Variants in PTPRD observed in about 807,000 individuals in gnomAD.
PTPRD encodes the protein receptor-type tyrosine-protein phosphatase delta.
PTPRD carries 34 observed loss-of-function variants against 214.5 expected under a neutral mutation model. The ratio of observed to expected loss-of-function variants is 0.16; its 90% CI spans 0.12 to 0.21. PTPRD has a LOEUF of 0.21. Ranked by LOEUF, PTPRD falls within the 10% of genes least tolerant of loss-of-function variation. PTPRD has a pLI of 1.00. For missense variants in PTPRD, 2,545 were observed against 2,398.7 expected, an observed-to-expected ratio of 1.06 and a Z score of -1.27; for synonymous variants, 1,128 against 845.7, an observed-to-expected ratio of 1.33 and a Z score of -5.79.
At chr9:9,317,385 T>G (rs1364273418) in intron 9 of PTPRD, among the ~76,000 whole-genome samples, 1 of 152,196 alleles carries the variant, frequency 6.6e-6, no homozygotes, top group Admixed American at 6.5e-5. Flanking sequence ...TAAAACAAAC[T>G]TATTATTCTT....
At chr9:8,626,139 T>A (rs902299471) in intron 14 of PTPRD, among the ~76,000 whole-genome samples, 1 of 151,900 alleles carries the variant, frequency 6.6e-6, no homozygotes, top group Admixed American at 6.6e-5. Context: ...TAGCTTAAAA[T>A]AAAACTAATT....
At position 9,724,421 on chromosome 9, in the gene PTPRD, C is replaced by T. The variant is rs140493372; in HGVS notation, c.-287+10112G>A. 1.1e-4 allele frequency among the ~76,000 whole-genome samples: 17 copies of T among 152,242 alleles called. No homozygotes were observed. In the East Asian group the frequency reaches 1.4e-3, roughly 12 times the overall value. The stretch of plus-strand genomic sequence containing the variant: ...GCTTAATAGGCCTTTGCCAGAGTTA[C>T]GTCACTTGTACTTTCTTTCCCAGAA... On this transcript the variant is annotated intron_variant, in intron 7 of 45. Coordinates refer to ENST00000381196, the MANE Select transcript of PTPRD (RefSeq NM_002839.4).
intron 3 of PTPRD, among the ~76,000 whole-genome samples, chr9:10,254,905 C>A (rs564433750): frequency 1.3e-5 from 2 of 152,268 alleles, no homozygotes; most frequent in East Asian, 3.9e-4. Flanking sequence ...AATCTCTGTT[C>A]TCTGATGACT....
Position 9,766,936 on chromosome 9 carries a change from A to G in PTPRD, c.-367-85T>C, listed in dbSNP as rs140622873. 8 of 152,538 alleles carry G rather than the reference A, an allele frequency of 5.2e-5. No individual in the cohort carries two copies. The East Asian group carries it at 1.4e-3, about 26-fold the overall frequency. The allele number at this position is 152,538 out of a possible 1,614,324, so 9.4% of individuals were successfully genotyped here. A position where few individuals can be genotyped will look rare whatever the true frequency, so the allele number is the denominator to read the frequency against. On this transcript the variant is annotated intron_variant, in intron 5 of 45. Coordinates refer to ENST00000381196, the MANE Select transcript of PTPRD (RefSeq NM_002839.4). ...TACCAATATATAAAACTAAAATAAG[A>G]ACAAATTTTAAAACTCCATCATTGC...
At chr9:9,013,457 G>GT (rs2099520288) in intron 11 of PTPRD, among the ~76,000 whole-genome samples, 1 of 152,094 alleles carries the variant, frequency 6.6e-6, no homozygotes, top group South Asian at 2.1e-4. Context: ...TCTATGTTTG[G>GT]TAACAGTCCA....
intron 5 of PTPRD, among the ~76,000 whole-genome samples, chr9:9,893,687 A>G (rs1052079034): frequency 6.6e-6 from 1 of 152,094 alleles, no homozygotes; most frequent in Admixed American, 6.6e-5. Flanking sequence ...GGGAGTTTGA[A>G]ATACCATTAA....
chr9:8,892,913 G>C (rs1193695319), intron 11 of PTPRD, among the ~76,000 whole-genome samples: 4 of 151,906 alleles, frequency 2.6e-5, no homozygotes, highest in Non-Finnish European at 5.9e-5. Context: ...GTCTATGGAA[G>C]TGAAATAAGA....
chr9:8,720,306 A>G (rs1204956513), intron 12 of PTPRD, among the ~76,000 whole-genome samples: 7 of 152,180 alleles, frequency 4.6e-5, no homozygotes, highest in East Asian at 1.9e-4. Flanking sequence ...TGATGACTCA[A>G]TATGTCAGAG....
chr9:10,394,664 A>G (rs1309052935), intron 2 of PTPRD, among the ~76,000 whole-genome samples: 1 of 151,942 alleles, frequency 6.6e-6, no homozygotes, highest in East Asian at 1.9e-4. Flanking sequence ...GTGATTAATA[A>G]CCTTCATAAA....
chr9:10,341,759 A>G (rs1389057729), intron 2 of PTPRD, among the ~76,000 whole-genome samples: 2 of 151,994 alleles, frequency 1.3e-5, no homozygotes, highest in East Asian at 3.9e-4. Flanking sequence ...TCTTCTTTTC[A>G]TTTGTTTGTT....
At chr9:10,147,071 T>A (rs910087496) in intron 3 of PTPRD, among the ~76,000 whole-genome samples, 1 of 152,042 alleles carries the variant, frequency 6.6e-6, no homozygotes, top group Non-Finnish European at 1.5e-5. Context: ...CAGAAGCTAA[T>A]AAAGGAGCAA....
At chr9:8,417,861 C>T (rs776487309) in intron 35 of PTPRD, among the ~76,000 whole-genome samples, 4 of 152,154 alleles carry the variant, frequency 2.6e-5, no homozygotes, top group Non-Finnish European at 5.9e-5. Flanking sequence ...AATCCAAATA[C>T]ACAGATATAC....
chr9:8,959,388 T>A (rs1182571354), intron 11 of PTPRD, among the ~76,000 whole-genome samples: 1 of 151,788 alleles, frequency 6.6e-6, no homozygotes, highest in East Asian at 1.9e-4. Context: ...AGGAAAATAG[T>A]GGGGAAAGAA....
chr9:9,211,707 A>G (rs985829726), intron 9 of PTPRD, among the ~76,000 whole-genome samples: 1 of 152,224 alleles, frequency 6.6e-6, no homozygotes, highest in Admixed American at 6.5e-5. Context: ...AACAATAACC[A>G]TCAAATTTTT....
intron 7 of PTPRD, among the ~76,000 whole-genome samples, chr9:9,714,213 A>G (rs567642842): frequency 6.6e-4 from 101 of 152,076 alleles, no homozygotes; most frequent in African/African-American, 2.3e-3. Context: ...TGCTACTTTT[A>G]CCATGGGGCT....
At chr9:9,229,833 C>T (rs963018689) in intron 9 of PTPRD, among the ~76,000 whole-genome samples, 4 of 151,950 alleles carry the variant, frequency 2.6e-5, no homozygotes, top group African/African-American at 9.7e-5. Context: ...TCATTGTGAA[C>T]ACTGATACTT....
At chr9:9,666,883 G>A (rs1159700766) in intron 7 of PTPRD, among the ~76,000 whole-genome samples, 3 of 151,616 alleles carry the variant, frequency 2.0e-5, no homozygotes, top group Non-Finnish European at 4.4e-5. Flanking sequence ...GCTTTACCTC[G>A]CTTTTTATGG....
chr9:8,330,926 C>T (rs1195353329), intron 44 of PTPRD, among the ~76,000 whole-genome samples: 1 of 151,874 alleles, frequency 6.6e-6, no homozygotes. Flanking sequence ...AGATGAATTG[C>T]TTTTGTTAGA....
At chr9:10,175,885 C>T (rs903577895) in intron 3 of PTPRD, among the ~76,000 whole-genome samples, 4 of 151,986 alleles carry the variant, frequency 2.6e-5, no homozygotes, top group Admixed American at 2.6e-4. Context: ...TAAATCTCCA[C>T]ATGGATACAA....
Sources: gnomAD v4.1 joint callset for allele counts (sites outside exome capture counted in the v4.1 genomes callset) on GRCh38, gnomAD v4.1.1 for gene constraint, MANE v1.5 for transcripts, NCBI Gene and HGNC (gene_info 2026-07-23, HGNC 2026-07-21) for gene names.